PPP2R5C: variants seen among roughly 807,000 people sequenced by gnomAD.
The protein encoded by PPP2R5C is protein phosphatase 2 regulatory subunit B'gamma, also known as serine/threonine-protein phosphatase 2A 56 kDa regulatory subunit gamma isoform.
A neutral mutation model predicts 68.9 loss-of-function variants in PPP2R5C; 7 were observed. The ratio of observed to expected loss-of-function variants is 0.10; its 90% CI spans 0.06 to 0.19. PPP2R5C has a LOEUF of 0.19. Ranked by LOEUF, PPP2R5C falls within the 10% of genes least tolerant of loss-of-function variation. The probability of loss-of-function intolerance (pLI) is 1.00; values close to 1 mark genes in which losing one functional copy is unlikely to be tolerated. For missense variants in PPP2R5C, 348 were observed against 641.3 expected, an observed-to-expected ratio of 0.54 and a Z score of 4.94; for synonymous variants, 210 against 222.2, an observed-to-expected ratio of 0.95 and a Z score of 0.49.
intron 3 of PPP2R5C, among the ~76,000 whole-genome samples, chr14:101,791,947 C>T (rs2038381728): frequency 6.6e-6 from 1 of 152,022 alleles, no homozygotes; most frequent in Admixed American, 6.5e-5. Context: ...AAATTGAAAC[C>T]TAGAATCAAA....
At chr14:101,834,338 C>A (rs1469702521) in intron 1 of PPP2R5C, among the ~76,000 whole-genome samples, 1 of 152,196 alleles carries the variant, frequency 6.6e-6, no homozygotes, top group East Asian at 1.9e-4. Flanking sequence ...GACGGCAGCA[C>A]TGAGGGTCAG....
intron 1 of PPP2R5C, among the ~76,000 whole-genome samples, chr14:101,812,112 G>A (rs919776212): frequency 2.6e-5 from 4 of 152,224 alleles, no homozygotes; most frequent in Admixed American, 1.3e-4. Context: ...CTTTTCTGGA[G>A]CGAGCATGTT....
At chr14:101,869,381 AC>A (rs1251256161) in intron 2 of PPP2R5C, among the ~76,000 whole-genome samples, 1 of 152,190 alleles carries the variant, frequency 6.6e-6, no homozygotes, top group African/African-American at 2.4e-5. Flanking sequence ...GAGCAATAAA[AC>A]TTTTATAAAT....
intron 2 of PPP2R5C, among the ~76,000 whole-genome samples, chr14:101,773,270 G>A (rs2037247877): frequency 6.6e-6 from 1 of 152,134 alleles, no homozygotes; most frequent in South Asian, 2.1e-4. Flanking sequence ...CAGAGCAATG[G>A]CCCTGGGGAT....
intron 9 of PPP2R5C, among the ~76,000 whole-genome samples, chr14:101,904,965 A>G (rs921566231): frequency 6.6e-6 from 1 of 152,230 alleles, no homozygotes. Flanking sequence ...AAAAGCAAAT[A>G]GGGTAGGGTA....
chr14:101,764,891 C>T (rs181168688), intron 2 of PPP2R5C, among the ~76,000 whole-genome samples: 11 of 147,922 alleles, frequency 7.4e-5, no homozygotes, highest in Non-Finnish European at 1.6e-4. Flanking sequence ...GTGCCTATAT[C>T]CTCTTACTTT....
At chr14:101,804,206 A>T (rs1166822276) in intron 3 of PPP2R5C, among the ~76,000 whole-genome samples, 1 of 152,248 alleles carries the variant, frequency 6.6e-6, no homozygotes, top group Non-Finnish European at 1.5e-5. Flanking sequence ...GGCTTATCCA[A>T]AAGACAAGCA....
rs1566896554 is a variant in PPP2R5C at position 101,842,993 on chromosome 14, G to C, written c.95-13693G>C. 2.0e-5 allele frequency among the ~76,000 whole-genome samples: 3 copies of C among 152,044 alleles called. 1 individual carries two copies. Among genetic ancestry groups the C allele is most frequent in the Non-Finnish European group, 4.4e-5 (3 of 68,010 alleles). On this transcript the variant is annotated intron_variant, in intron 1 of 13. Coordinates refer to ENST00000334743, the Ensembl canonical transcript of PPP2R5C. ...GTAATCCCAGCACTTTGGTAGGCCA[G>C]AGGGGAAAGATTGATTGAGCCCAGG...
At chr14:101,896,636 C>CA (rs34603513) in intron 8 of PPP2R5C, among the ~76,000 whole-genome samples, 77,312 of 110,348 alleles carry the variant, frequency 0.7, 28,835 homozygotes, top group Non-Finnish European at 0.82. Flanking sequence ...ACCCTGTCTC[C>CA]AAAAAAAAAA....
intron 1 of PPP2R5C, among the ~76,000 whole-genome samples, chr14:101,830,697 A>G (rs2040683862): frequency 1.3e-5 from 2 of 152,228 alleles, no homozygotes; most frequent in Admixed American, 1.3e-4. Context: ...AGAAACCTGC[A>G]GCTTCTGTTA....
intron 8 of PPP2R5C, among the ~76,000 whole-genome samples, chr14:101,898,052 C>T (rs1433044795): frequency 6.6e-6 from 1 of 151,888 alleles, no homozygotes; most frequent in African/African-American, 2.4e-5. Flanking sequence ...CCCAGCTACT[C>T]GAGAGGCCGA....
chr14:101,875,287 A>G (rs867013111), intron 2 of PPP2R5C, among the ~76,000 whole-genome samples: 7 of 152,158 alleles, frequency 4.6e-5, no homozygotes, highest in Admixed American at 1.3e-4. Flanking sequence ...CCGAGCACTC[A>G]TTGTGTGCCA....
intron 2 of PPP2R5C, among the ~76,000 whole-genome samples, chr14:101,770,863 C>G (rs1040406934): frequency 1.3e-5 from 2 of 152,256 alleles, no homozygotes; most frequent in Non-Finnish European, 2.9e-5. Flanking sequence ...CTGCCACCAA[C>G]ATGAAATGCG....
chr14:101,799,024 T>C (rs1057399741), intron 3 of PPP2R5C, among the ~76,000 whole-genome samples: 1 of 152,192 alleles, frequency 6.6e-6, no homozygotes, highest in African/African-American at 2.4e-5. Flanking sequence ...TTTTGTAAGA[T>C]CAGAATTGGG....
Position 101,891,028 on chromosome 14 carries a change from T to A in PPP2R5C, c.689+732T>A, listed in dbSNP as rs1443149335. 6.6e-6 allele frequency among the ~76,000 whole-genome samples: 1 copy of A among 152,096 alleles called. No individual in the cohort carries two copies. Among genetic ancestry groups the A allele is most frequent in the African/African-American group, 2.4e-5 (1 of 41,408 alleles). The stretch of plus-strand genomic sequence containing the variant: ...CCTCAGGTGATCTGCCCGCCTCACC[T>A]CCCAAAGTGCTGAGATTACAGGCAT... On this transcript the variant is annotated intron_variant, in intron 6 of 13. Coordinates refer to ENST00000334743, the Ensembl canonical transcript of PPP2R5C. This position sits in a 1 kb window ranked among gnomAD's most constrained non-coding sequence, Gnocchi z 4.9.
chr14:101,770,773 G>A (rs559773077), intron 2 of PPP2R5C, among the ~76,000 whole-genome samples: 1 of 152,362 alleles, frequency 6.6e-6, no homozygotes, highest in Non-Finnish European at 1.5e-5. Context: ...CAACAGCAGG[G>A]TGAATGGCAA....
At chr14:101,870,223 C>G (rs1167098914) in intron 2 of PPP2R5C, among the ~76,000 whole-genome samples, 1 of 151,998 alleles carries the variant, frequency 6.6e-6, no homozygotes, top group Non-Finnish European at 1.5e-5. Context: ...TAAAGTCCAA[C>G]TTAGGATTTG....
Position 101,882,013 on chromosome 14 carries a change from AC to A in PPP2R5C, c.295-145del. On this transcript the variant is annotated intron_variant, in intron 2 of 13. Transcript: ENST00000334743. The surrounding 1 kb of genome is among the most constrained non-coding windows in gnomAD (Gnocchi z 4.9). ...GTTTTGATCCAGGCTCTCTCTGAGG[AC>A]CCACACAGCTTCTGCGTTTTGAGGA... 1.7e-6 allele frequency: 1 copy of A among 586,932 alleles called. No homozygotes were observed. 36.4% of individuals were successfully genotyped at this position (586,932 alleles called of 1,614,324 possible). A position where few individuals can be genotyped will look rare whatever the true frequency, so the allele number is the denominator to read the frequency against.
intron 8 of PPP2R5C, among the ~76,000 whole-genome samples, chr14:101,898,339 G>A (rs2045483522): frequency 6.6e-6 from 1 of 152,060 alleles, no homozygotes; most frequent in Admixed American, 6.6e-5. Flanking sequence ...TCCCACCTAA[G>A]CCACTGTCCC....
Sources: gnomAD v4.1 joint callset for allele counts (sites outside exome capture counted in the v4.1 genomes callset) on GRCh38, gnomAD v4.1.1 for gene constraint, Gnocchi (gnomAD v3.1) non-coding constraint, MANE v1.5 for transcripts, NCBI Gene and HGNC (gene_info 2026-07-23, HGNC 2026-07-21) for gene names.